The following CARMIL1 variants were observed in gnomAD, a reference collection of about 807,000 sequenced individuals.
CARMIL1 encodes the protein capping protein regulator and myosin 1 linker 1, also known as F-actin-uncapping protein LRRC16A.
Under a neutral mutation model 177.1 loss-of-function variants are expected in CARMIL1, and 90 were observed. The observed-to-expected ratio is 0.51, with a 90% CI of 0.43 to 0.61. The LOEUF (loss-of-function observed/expected upper bound fraction) is 0.61, where lower values mean the gene tolerates loss of function less well. Among genes scored for constraint, CARMIL1 ranks in the 20% least tolerant of loss-of-function variants. The pLI is 0.00. For missense variants in CARMIL1, 1,380 were observed against 1,667.0 expected (o/e 0.83, Z 3.00); for synonymous variants, 577 against 606.2 (o/e 0.95, Z 0.71).
intron 8 of CARMIL1, 80 bp downstream of exon 8, chr6:25,450,791 C>A: frequency 4.9e-5 from 1 of 20,230 alleles, no homozygotes; most frequent in Non-Finnish European, 1.1e-4. Context: ...CTCCCTTCCT[C>A]CCTCCCTTCC....
At chr6:25,576,943 C>T in intron 29 of CARMIL1, 1 of 973,120 alleles carries the variant, frequency 1.0e-6, no homozygotes, top group Non-Finnish European at 1.2e-6. Flanking sequence ...CTCTTCCATT[C>T]ATATTTTTTT....
At chr6:25,617,363 G>A (rs991828601) in intron 36 of CARMIL1, among the ~76,000 whole-genome samples, 8 of 152,084 alleles carry the variant, frequency 5.3e-5, no homozygotes, top group South Asian at 4.1e-4. Flanking sequence ...CTCTTATGTC[G>A]TATCATACAA....
intron 2 of CARMIL1, among the ~76,000 whole-genome samples, chr6:25,336,319 C>T (rs190219378): frequency 6.6e-6 from 1 of 152,284 alleles, no homozygotes; most frequent in Non-Finnish European, 1.5e-5. Context: ...ATACCTTCCT[C>T]TCCCCATTTC....
intron 35 of CARMIL1, 76 bp downstream of exon 35, chr6:25,606,349 T>C (rs1253933596): frequency 7.2e-7 from 1 of 1,395,494 alleles, no homozygotes; most frequent in Non-Finnish European, 9.8e-7. Flanking sequence ...ACTCTGCAGG[T>C]GGTTTCAGGG....
At chr6:25,459,205 CA>C (rs1459990205) in intron 8 of CARMIL1, among the ~76,000 whole-genome samples, 1 of 89,392 alleles carries the variant, frequency 1.1e-5, no homozygotes, top group Non-Finnish European at 2.5e-5. Context: ...ATAAGGATCC[CA>C]ACTTTTTCTT....
In CARMIL1 at chr6:25,453,717, A is replaced by G. The variant is rs148281478; in HGVS notation, c.614+3006A>G. Reference sequence around the variant, plus strand: ...TTTTGCACCTTCCATGCAAAGGGCAACACAGTGAAAGGATAAGTTTGTTTT... The same window carrying G: ...TTTTGCACCTTCCATGCAAAGGGCAGCACAGTGAAAGGATAAGTTTGTTTT... On this transcript the variant is annotated intron_variant, in intron 8 of 36. Coordinates refer to ENST00000329474, the MANE Select transcript of CARMIL1 (RefSeq NM_017640.6). 2.1e-4 allele frequency among the ~76,000 whole-genome samples: 32 copies of G among 152,314 alleles called. No individual in the cohort carries two copies. In the East Asian group the frequency reaches 6.0e-3, roughly 28 times the overall value.
rs531657567 is a variant in CARMIL1, at chr6:25,620,439, A to G, written c.*856A>G. ...TAAAAATCAAAATACTACTCTTTAT[A>G]AGACATTTCACAAATATTCACTTAC... On this transcript the variant is annotated 3_prime_UTR_variant, in exon 37 of 37. Transcript: ENST00000329474. 2.1e-4 allele frequency: 32 copies of G among 152,324 alleles called. No individual in the cohort carries two copies. Among genetic ancestry groups the G allele is most frequent in the Admixed American group, 1.8e-3 (27 of 15,302 alleles). 9.4% of individuals were successfully genotyped at this position (152,324 alleles called of 1,614,324 possible). A position where few individuals can be genotyped will look rare whatever the true frequency, so the allele number is the denominator to read the frequency against.
rs748566863 is a variant in CARMIL1 at position 25,619,612 on chromosome 6, C to T, written c.*29C>T. 1.9e-6 allele frequency: 3 copies of T among 1,605,890 alleles called. No homozygotes were observed. The highest frequency in any genetic ancestry group is 2.6e-6 in the Non-Finnish European group (3 of 1,176,050). On this transcript the variant is annotated 3_prime_UTR_variant, in exon 37 of 37. Coordinates refer to ENST00000329474, the MANE Select transcript of CARMIL1 (RefSeq NM_017640.6). The stretch of plus-strand genomic sequence containing the variant: ...TCACCCACGCAGAAGTCTTCCTGTG[C>T]AGGGTGCTTTGGTAGCCATCAGAGA...
intron 12 of CARMIL1, among the ~76,000 whole-genome samples, chr6:25,487,116 T>G (rs1802738986): frequency 6.6e-6 from 1 of 152,220 alleles, no homozygotes; most frequent in Admixed American, 6.5e-5. Flanking sequence ...AATGGCTCAG[T>G]AGCCTTTATC....
intron 2 of CARMIL1, among the ~76,000 whole-genome samples, chr6:25,286,515 T>G (rs1384241939): frequency 2.6e-5 from 4 of 152,260 alleles, no homozygotes; most frequent in Admixed American, 2.6e-4. Flanking sequence ...AAGGTGAGAT[T>G]TCCTTAAGTT....
At chr6:25,477,363 C>T (rs1466325851) in intron 11 of CARMIL1, among the ~76,000 whole-genome samples, 5 of 151,974 alleles carry the variant, frequency 3.3e-5, no homozygotes, top group Non-Finnish European at 7.4e-5. Context: ...AAAGGAGGTT[C>T]GAGTATGACT....
intron 31 of CARMIL1, among the ~76,000 whole-genome samples, chr6:25,590,751 G>A (rs1473909920): frequency 6.6e-6 from 1 of 151,906 alleles, no homozygotes; most frequent in Non-Finnish European, 1.5e-5. Context: ...TAGTCTAATT[G>A]TTCATTTAAT....
chr6:25,369,010 T>C lies in CARMIL1; in HGVS notation c.139-51104T>C, dbSNP rs954329939. On this transcript the variant is annotated intron_variant, in intron 2 of 36. Transcript: ENST00000329474. ...AAATTTGCCAGTTATTTTGGCTGAATTTAAAACCCCTTACATGATTAGATC... is the reference window on the plus strand; with the variant it reads ...AAATTTGCCAGTTATTTTGGCTGAACTTAAAACCCCTTACATGATTAGATC... Among the ~76,000 whole-genome samples the C allele has an allele frequency of 2.0e-5, 3 of 152,272 alleles. No individual in the cohort carries two copies. In the South Asian group the frequency reaches 6.2e-4, roughly 31 times the overall value.
intron 2 of CARMIL1, among the ~76,000 whole-genome samples, chr6:25,339,729 A>T (rs1403985114): frequency 8.5e-5 from 13 of 152,178 alleles, no homozygotes; most frequent in Admixed American, 8.5e-4. Flanking sequence ...AGTGGTGTAG[A>T]TGCAGGGCAG....
intron 20 of CARMIL1, among the ~76,000 whole-genome samples, chr6:25,512,381 A>T (rs1443500218): frequency 2.0e-5 from 3 of 152,180 alleles, no homozygotes; most frequent in African/African-American, 7.2e-5. Context: ...ATGCTGTACA[A>T]TGAAAAGCTT....
chr6:25,560,143 C>A (rs531572186), intron 29 of CARMIL1, among the ~76,000 whole-genome samples: 2 of 152,134 alleles, frequency 1.3e-5, no homozygotes, highest in Admixed American at 6.6e-5. Flanking sequence ...TTCTTGGGAC[C>A]TGTTATCTGC....
intron 11 of CARMIL1, among the ~76,000 whole-genome samples, chr6:25,474,791 T>C (rs1299296759): frequency 3.3e-5 from 5 of 152,198 alleles, no homozygotes; most frequent in African/African-American, 7.2e-5. Context: ...AGGAGGGCTA[T>C]TTTTGGTTTT....
chr6:25,520,292 A>T lies in CARMIL1; in HGVS notation c.1923A>T (p.Gln641His). ...CAATTCCTATGTATGATGCTTCTCA[A>T]GCCCTAAAAACAAACCCTGAAAAAA... Reference protein sequence around the residue: ...FMPIPMYDASQALKTNPEKTE... With the variant: ...FMPIPMYDASHALKTNPEKTE... Residue 641 changes from glutamine (Q) to histidine (H), a missense_variant, in exon 23 of 37, where the codon CAA (glutamine) becomes CAT (histidine). Transcript: ENST00000329474. 6.4e-7 allele frequency: 1 copy of T among 1,566,480 alleles called. No homozygotes were observed. The highest frequency in any genetic ancestry group is 8.7e-7 in the Non-Finnish European group (1 of 1,154,296).
intron 8 of CARMIL1, among the ~76,000 whole-genome samples, chr6:25,464,185 A>C (rs1314605873): frequency 6.6e-6 from 1 of 152,154 alleles, no homozygotes. Flanking sequence ...GTTAGTAAAG[A>C]GGCTTGTCAG....
Sources: allele counts gnomAD v4.1 joint callset (sites outside exome capture counted in the v4.1 genomes callset), GRCh38; gene constraint gnomAD v4.1.1; transcripts MANE v1.5; gene names NCBI Gene and HGNC (gene_info 2026-07-23, HGNC 2026-07-21).